Variants in INPP4B observed in about 807,000 individuals in gnomAD.
INPP4B encodes inositol polyphosphate 4-phosphatase type II.
INPP4B carries 55 observed loss-of-function variants against 122.5 expected under a neutral mutation model. That is an observed-to-expected ratio of 0.45 (90% CI 0.36 to 0.56). The LOEUF (loss-of-function observed/expected upper bound fraction) is 0.56. INPP4B is among the 20% of genes least tolerant of loss of function. The pLI, the probability that INPP4B is intolerant of heterozygous loss-of-function variation, is 0.00. For synonymous variants in INPP4B, 403 were observed against 388.7 expected (o/e 1.04, Z -0.43); for missense variants, 1,000 against 1,097.7 (o/e 0.91, Z 1.26).
chr4:142,404,276 A>C (rs1802606772), intron 6 of INPP4B, among the ~76,000 whole-genome samples: 1 of 152,198 alleles, frequency 6.6e-6, no homozygotes, highest in Non-Finnish European at 1.5e-5. Flanking sequence ...CCACCACCGC[A>C]TCAAAGCAGG....
At chr4:142,029,180 C>T in intron 25 of INPP4B, 1 of 1,127,004 alleles carries the variant, frequency 8.9e-7, no homozygotes, top group African/African-American at 1.6e-5. Flanking sequence ...ATAATTTGCT[C>T]CACAATACAG....
chr4:142,250,931 C>A (rs1731677723), intron 11 of INPP4B, among the ~76,000 whole-genome samples: 1 of 152,182 alleles, frequency 6.6e-6, no homozygotes, highest in South Asian at 2.1e-4. Flanking sequence ...CAGAATGCAG[C>A]TGCTCCTATC....
intron 7 of INPP4B, among the ~76,000 whole-genome samples, chr4:142,385,657 T>C (rs1795720499): frequency 6.6e-6 from 1 of 152,182 alleles, no homozygotes; most frequent in Admixed American, 6.5e-5. Flanking sequence ...AGTACTAAAA[T>C]TACAATTCTG....
intron 7 of INPP4B, among the ~76,000 whole-genome samples, chr4:142,343,178 A>T (rs1779225839): frequency 6.6e-6 from 1 of 152,150 alleles, no homozygotes; most frequent in Non-Finnish European, 1.5e-5. Context: ...CAAACATGCT[A>T]ATTAGAAGAC....
chr4:142,421,476 T>A (rs1177510772), intron 5 of INPP4B, among the ~76,000 whole-genome samples: 1 of 152,094 alleles, frequency 6.6e-6, no homozygotes, highest in Non-Finnish European at 1.5e-5. Context: ...TACATATAAT[T>A]TGGTGGCAAT....
chr4:142,270,903 C>A, intron 9 of INPP4B, 129 bp from the exon 10 acceptor site: 1 of 649,468 alleles, frequency 1.5e-6, no homozygotes, highest in Non-Finnish European at 2.8e-6. Flanking sequence ...CTGCATAAAA[C>A]ACAGCAAAAC....
At chr4:142,776,696 T>A (rs1050212463) in intron 1 of INPP4B, among the ~76,000 whole-genome samples, 4 of 152,196 alleles carry the variant, frequency 2.6e-5, no homozygotes, top group African/African-American at 4.8e-5. Flanking sequence ...CCTCCCATTT[T>A]AAAAATTCTA....
chr4:142,614,502 G>A (rs1048159400), intron 2 of INPP4B, among the ~76,000 whole-genome samples: 3 of 152,042 alleles, frequency 2.0e-5, no homozygotes, highest in Non-Finnish European at 4.4e-5. Flanking sequence ...TTATGACTAA[G>A]TCCTCAAAAG....
At chr4:142,246,143 T>C (rs1728701528) in intron 11 of INPP4B, among the ~76,000 whole-genome samples, 1 of 150,688 alleles carries the variant, frequency 6.6e-6, no homozygotes, top group Admixed American at 6.6e-5. Flanking sequence ...CACATATATA[T>C]ATACATATAT....
intron 7 of INPP4B, among the ~76,000 whole-genome samples, chr4:142,348,882 G>A (rs982149406): frequency 3.3e-5 from 5 of 151,964 alleles, no homozygotes; most frequent in African/African-American, 4.8e-5. Context: ...CAGGCACTTC[G>A]CAGCCAGCTC....
At chr4:142,482,434 A>G (rs1476727103) in intron 2 of INPP4B, among the ~76,000 whole-genome samples, 1 of 152,170 alleles carries the variant, frequency 6.6e-6, no homozygotes, top group African/African-American at 2.4e-5. Flanking sequence ...TGTTATGCAG[A>G]ACTTCATTTG....
chr4:142,043,781 A>G (rs1749658509), intron 25 of INPP4B, among the ~76,000 whole-genome samples: 1 of 152,218 alleles, frequency 6.6e-6, no homozygotes. Context: ...AAACACAGAC[A>G]TCATTCTCTA....
At chr4:142,371,797 A>G (rs1297556756) in intron 7 of INPP4B, among the ~76,000 whole-genome samples, 1 of 151,958 alleles carries the variant, frequency 6.6e-6, no homozygotes, top group Non-Finnish European at 1.5e-5. Context: ...GCTGGCAAAT[A>G]TGTGAGGAAA....
intron 10 of INPP4B, among the ~76,000 whole-genome samples, chr4:142,263,177 C>T (rs2150420780): frequency 6.6e-6 from 1 of 152,310 alleles, no homozygotes; most frequent in African/African-American, 2.4e-5. Context: ...CTGATCATCT[C>T]TGCTGCAGGC....
intron 2 of INPP4B, among the ~76,000 whole-genome samples, chr4:142,504,924 G>C (rs1174421136): frequency 6.6e-6 from 1 of 152,062 alleles, no homozygotes; most frequent in African/African-American, 2.4e-5. Flanking sequence ...GATTGGTATG[G>C]AGATTTGTGT....
intron 7 of INPP4B, among the ~76,000 whole-genome samples, chr4:142,389,821 G>A (rs995274750): frequency 6.6e-6 from 1 of 152,186 alleles, no homozygotes; most frequent in Non-Finnish European, 1.5e-5. Context: ...TGTCTGAGGA[G>A]AGTGAAATGT....
At chr4:142,138,210 A>G (rs1215597856) in intron 18 of INPP4B, among the ~76,000 whole-genome samples, 1 of 151,968 alleles carries the variant, frequency 6.6e-6, no homozygotes, top group Non-Finnish European at 1.5e-5. Context: ...GCAGCCATAA[A>G]AAATGATGAG....
chr4:142,647,567 A>T (rs776112147), intron 2 of INPP4B, among the ~76,000 whole-genome samples: 1 of 152,194 alleles, frequency 6.6e-6, no homozygotes, highest in Non-Finnish European at 1.5e-5. Flanking sequence ...CAGTGTCCCC[A>T]GAGGTGTTTT....
chr4:142,505,608 C>G (rs964886969), intron 2 of INPP4B, among the ~76,000 whole-genome samples: 3 of 152,116 alleles, frequency 2.0e-5, no homozygotes, highest in Admixed American at 1.3e-4. Context: ...ATAGTAAGAG[C>G]TCAATAAATA....
Sources: allele counts gnomAD v4.1 joint callset (sites outside exome capture counted in the v4.1 genomes callset), GRCh38; gene constraint gnomAD v4.1.1; transcripts MANE v1.5; gene names NCBI Gene and HGNC (gene_info 2026-07-23, HGNC 2026-07-21).